EXOSC4: variants seen among roughly 807,000 people sequenced by gnomAD.
EXOSC4 encodes exosome complex component RRP41.
In EXOSC4, 14 loss-of-function variants were observed where a neutral mutation model predicts 20.0. That is an observed-to-expected ratio of 0.70 (90% CI 0.46 to 1.09). EXOSC4 has a LOEUF of 1.09. EXOSC4 is among the 50% of genes least tolerant of loss of function. The pLI is 0.00. For missense variants in EXOSC4, 337 were observed against 334.0 expected, an observed-to-expected ratio of 1.01 and a Z score of -0.07; for synonymous variants, 148 against 146.4, an observed-to-expected ratio of 1.01 and a Z score of -0.08.
chr8:144,079,532 C>G (rs928366799), intron 1 of EXOSC4: 2 of 361,252 alleles, frequency 5.5e-6, no homozygotes, highest in African/African-American at 2.1e-5. Flanking sequence ...AGAAAGACTG[C>G]TGGTGGGGAA....
intron 1 of EXOSC4, chr8:144,079,667 G>A: frequency 1.6e-6 from 1 of 617,590 alleles, no homozygotes; most frequent in Non-Finnish European, 3.0e-6. Flanking sequence ...AAGGTAGTTA[G>A]GATTTGAGTG....
the EXOSC4 span, among the ~76,000 whole-genome samples, chr8:144,067,309 T>A: frequency 6.6e-6 from 1 of 152,114 alleles, no homozygotes; most frequent in Non-Finnish European, 1.5e-5. Flanking sequence ...ATAAAGGAGA[T>A]GGTTTTGGGT....
At chr8:144,073,916 G>A (rs1835813045), upstream of EXOSC4, among the ~76,000 whole-genome samples, 1 of 151,970 alleles carries the variant, frequency 6.6e-6, no homozygotes, top group Admixed American at 6.6e-5. Flanking sequence ...TCATGTTCCT[G>A]GGACTCACTG....
the EXOSC4 span, among the ~76,000 whole-genome samples, chr8:144,069,383 G>A: frequency 9.8e-5 from 15 of 152,358 alleles, no homozygotes; most frequent in East Asian, 1.5e-3. Flanking sequence ...TACAGGGATG[G>A]TTCCTTCTGG....
the EXOSC4 span, among the ~76,000 whole-genome samples, chr8:144,065,560 C>A: frequency 6.6e-6 from 1 of 151,786 alleles, no homozygotes; most frequent in Non-Finnish European, 1.5e-5. Flanking sequence ...GAAACCCCAT[C>A]TCTACTAAAA....
At chr8:144,074,129 C>T (rs1835815364), upstream of EXOSC4, among the ~76,000 whole-genome samples, 1 of 152,228 alleles carries the variant, frequency 6.6e-6, no homozygotes, top group Admixed American at 6.5e-5. Flanking sequence ...TCCCACAGCC[C>T]CTTCCCGGCT....
chr8:144,079,274 T>G (rs1055501909), intron 1 of EXOSC4: 5 of 223,266 alleles, frequency 2.2e-5, no homozygotes, highest in Non-Finnish European at 4.5e-5. Context: ...CAATCTCAAA[T>G]GCCTATTTTG....
At position 144,078,723 on chromosome 8, in the gene EXOSC4, G is replaced by C; in HGVS notation, c.-6G>C. ...AGGCAGAGAGCGGACCTGGCGGCCG[G>C]GCAGCATGGCGGGGCTGGAGCTCTT... On this transcript the variant is annotated 5_prime_UTR_variant, in exon 1 of 3. Transcript: ENST00000316052. This position sits in a 1 kb window ranked among gnomAD's most constrained non-coding sequence, Gnocchi z 4.7. 1 of 1,453,136 alleles carries C rather than the reference G, an allele frequency of 6.9e-7. No homozygotes were observed. The highest frequency in any genetic ancestry group is 9.1e-7 in the Non-Finnish European group (1 of 1,100,444). 90.0% of individuals were successfully genotyped at this position (1,453,136 alleles called of 1,614,324 possible).
upstream of EXOSC4, among the ~76,000 whole-genome samples, chr8:144,076,321 T>A (rs549938717): frequency 7.6e-4 from 116 of 152,276 alleles, 1 homozygote; most frequent in Non-Finnish European, 1.1e-3. Flanking sequence ...GATTCAGACT[T>A]ATATCCTCTC....
the EXOSC4 span, among the ~76,000 whole-genome samples, chr8:144,073,438 C>T: frequency 6.6e-6 from 1 of 152,110 alleles, no homozygotes; most frequent in Non-Finnish European, 1.5e-5. Flanking sequence ...AGCAGCGATT[C>T]GTTCTTCCCA....
chr8:144,080,088 C>T lies in EXOSC4; in HGVS notation c.317C>T (p.Thr106Ile), dbSNP rs782785182. ...GAGATGGGCCTGCAGCTCCGCCAGACTTTCGAAGCAGCCATCCTCACACAG... is the reference window on the plus strand; with the variant it reads ...GAGATGGGCCTGCAGCTCCGCCAGATTTTCGAAGCAGCCATCCTCACACAG... ...SCEMGLQLRQ[T>I]FEAAILTQLH... The change falls in exon 2 of 3, where the codon ACT becomes ATT. Residue 106 changes from threonine to isoleucine, a missense_variant. Thr to Ile is a moderately conservative substitution (Grantham distance 89). Transcript: ENST00000316052. This position sits in a 1 kb window ranked among gnomAD's most constrained non-coding sequence, Gnocchi z 4.9. 11 of 1,614,128 alleles carry T rather than the reference C, an allele frequency of 6.8e-6. No homozygotes were observed. In the South Asian group the frequency reaches 9.9e-5, roughly 14 times the overall value.
At chr8:144,074,004 A>C (rs1835814238), upstream of EXOSC4, among the ~76,000 whole-genome samples, 1 of 152,110 alleles carries the variant, frequency 6.6e-6, no homozygotes, top group South Asian at 2.1e-4. Context: ...GCTGGATGTC[A>C]GCCCCTTCCA....
the EXOSC4 span, among the ~76,000 whole-genome samples, chr8:144,066,854 G>C: frequency 6.6e-6 from 1 of 152,122 alleles, no homozygotes; most frequent in African/African-American, 2.4e-5. Context: ...TTGGGAAGCC[G>C]AGGCGGGCGG....
At chr8:144,068,470 C>G in the EXOSC4 span, among the ~76,000 whole-genome samples, 1 of 152,218 alleles carries the variant, frequency 6.6e-6, no homozygotes, top group African/African-American at 2.4e-5. Flanking sequence ...GAGGCAAGTC[C>G]AGTTCTCATG....
At position 144,078,768 on chromosome 8, in the gene EXOSC4, G is replaced by C; in HGVS notation, c.40G>C (p.Val14Leu). Residue 14 changes from valine to leucine, a missense_variant, in exon 1 of 3, where the codon GTG becomes CTG. By Grantham distance (32) the Val-to-Leu change is conservative (BLOSUM62 1). Transcript: ENST00000316052. The surrounding 1 kb of genome is among the most constrained non-coding windows in gnomAD (Gnocchi z 4.7). Reference protein sequence around the residue: ...LELLSDQGYRVDGRRAGELRK... With the variant: ...LELLSDQGYRLDGRRAGELRK... ...GCTCTTGTCGGACCAGGGCTACCGG[G>C]TGGACGGGCGGCGCGCCGGGGAGCT... The C allele has an allele frequency of 1.3e-6, 2 of 1,535,576 alleles. No homozygotes were observed. Among genetic ancestry groups the C allele is most frequent in the East Asian group, 2.6e-5 (1 of 38,674 alleles).
Position 144,080,028 on chromosome 8 carries a change from G to T in EXOSC4, c.257G>T (p.Arg86Leu). 6.2e-7 allele frequency: 1 copy of T among 1,614,116 alleles called. No individual in the cohort carries two copies. The highest frequency in any genetic ancestry group is 8.5e-7 in the Non-Finnish European group (1 of 1,180,030). The stretch of plus-strand genomic sequence containing the variant: ...TCAGCGACCTTCAGCACAGGTGAGC[G>T]CAAGCGACGGCCACATGGGGACCGT... ...YSSATFSTGE[R>L]KRRPHGDRKS... is the part of the protein sequence containing the mutation. The change falls in exon 2 of 3, where the codon CGC becomes CTC. Residue 86 changes from arginine (R) to leucine (L), a missense_variant. Arg to Leu is a moderately radical substitution (Grantham distance 102). Coordinates refer to ENST00000316052, the MANE Select transcript of EXOSC4 (RefSeq NM_019037.3). This position sits in a 1 kb window ranked among gnomAD's most constrained non-coding sequence, Gnocchi z 4.9.
chr8:144,066,579 C>G, the EXOSC4 span, among the ~76,000 whole-genome samples: 3 of 151,334 alleles, frequency 2.0e-5, 1 homozygote, highest in Non-Finnish European at 4.4e-5. Flanking sequence ...GTAGCTGGGA[C>G]TACAGGTGTG....
At chr8:144,075,790 G>C (rs76353573), upstream of EXOSC4, among the ~76,000 whole-genome samples, 227 of 152,342 alleles carry the variant, frequency 1.5e-3, 2 homozygotes, top group East Asian at 0.039. Context: ...ATGTCAGGCA[G>C]GTTTTCTGCA....
At chr8:144,068,392 C>A in the EXOSC4 span, among the ~76,000 whole-genome samples, 1 of 152,200 alleles carries the variant, frequency 6.6e-6, no homozygotes, top group Non-Finnish European at 1.5e-5. Flanking sequence ...GTATAAACCT[C>A]GCCATTCTTC....
Sources: allele counts gnomAD v4.1 joint callset (sites outside exome capture counted in the v4.1 genomes callset), GRCh38; gene constraint gnomAD v4.1.1; non-coding constraint Gnocchi (gnomAD v3.1); transcripts MANE v1.5; gene names NCBI Gene and HGNC (gene_info 2026-07-23, HGNC 2026-07-21).